Variants in TRAF3IP2 observed in about 807,000 individuals in gnomAD.
TRAF3IP2 encodes E3 ubiquitin ligase TRAF3IP2.
TRAF3IP2 carries 35 observed loss-of-function variants against 57.9 expected under a neutral mutation model. The observed-to-expected ratio is 0.60, with a 90% CI of 0.46 to 0.80. The LOEUF (loss-of-function observed/expected upper bound fraction) is 0.80. TRAF3IP2 is among the 30% of genes least tolerant of loss of function. The probability of loss-of-function intolerance (pLI) is 0.00; values close to 1 mark genes in which losing one functional copy is unlikely to be tolerated. For missense variants in TRAF3IP2, 556 were observed against 706.4 expected (o/e 0.79, Z 2.41); for synonymous variants, 251 against 268.9 (o/e 0.93, Z 0.65).
chr6:111,566,282 T>C (rs1002898788), intron 7 of TRAF3IP2, among the ~76,000 whole-genome samples, 162 bp downstream of exon 7: 2 of 152,124 alleles, frequency 1.3e-5, no homozygotes, highest in African/African-American at 4.8e-5. Context: ...CTAAGGTAGA[T>C]GGAGCCAGAA....
rs1012672651 is a variant in TRAF3IP2, at chr6:111,580,681, G to A, written c.830-292C>T. On this transcript the variant is annotated intron_variant, in intron 2 of 8. Coordinates refer to ENST00000368761, the MANE Select transcript of TRAF3IP2 (RefSeq NM_147686.4). ...AAACTCTACACAGGCTCCTCTTTTCGTAAGATACTTAGGAAAATCCAACCA... is the reference window on the plus strand; with the variant it reads ...AAACTCTACACAGGCTCCTCTTTTCATAAGATACTTAGGAAAATCCAACCA... Among the ~76,000 whole-genome samples the A allele has an allele frequency of 1.2e-4, 19 of 152,210 alleles. No individual in the cohort carries two copies. In the East Asian group the frequency reaches 2.9e-3, roughly 23 times the overall value.
At chr6:111,590,588 C>A (rs1449519710) in intron 2 of TRAF3IP2, among the ~76,000 whole-genome samples, 5 of 151,826 alleles carry the variant, frequency 3.3e-5, no homozygotes, top group Non-Finnish European at 5.9e-5. Flanking sequence ...GTCAAACACA[C>A]CAGAAGGGGA....
chr6:111,559,493 T>G lies in TRAF3IP2; in HGVS notation c.1610A>C (p.Lys537Thr), dbSNP rs1331233055. ...TCTCAGCAGCCGCAGCAGGATGTTTTTTTTATTCTTGGGCCAGCTGTAGAC... is the reference window on the plus strand; with the variant it reads ...TCTCAGCAGCCGCAGCAGGATGTTTGTTTTATTCTTGGGCCAGCTGTAGAC... The part of the protein sequence containing the change: ...THVYSWPKNK[K>T]NILLRLLREE... The change falls in exon 9 of 9, where the codon AAA (lysine) becomes ACA (threonine). Residue 537 changes from lysine to threonine, a missense_variant. Physicochemically the swap from Lys to Thr is moderately conservative, Grantham distance 78. This residue lies in a region of TRAF3IP2 where 128 missense variants were observed against 207.7 expected (regional missense o/e 0.62). Transcript: ENST00000368761. The G allele has an allele frequency of 1.9e-6, 3 of 1,614,184 alleles. No homozygotes were observed. The highest frequency in any genetic ancestry group is 2.5e-6 in the Non-Finnish European group (3 of 1,180,030).
chr6:111,564,324 T>G (rs6568687), intron 7 of TRAF3IP2, among the ~76,000 whole-genome samples: 169 of 152,188 alleles, frequency 1.1e-3, no homozygotes, highest in African/African-American at 2.3e-3. Flanking sequence ...CAGCACCGAG[T>G]ACACATGAAA....
chr6:111,568,336 T>C (rs1795715999), intron 5 of TRAF3IP2, among the ~76,000 whole-genome samples: 1 of 152,218 alleles, frequency 6.6e-6, no homozygotes, highest in African/African-American at 2.4e-5. Flanking sequence ...ATTCAAGTTT[T>C]TGAAGGGATA....
chr6:111,566,970 C>T (rs1482825751), intron 6 of TRAF3IP2: 3 of 288,764 alleles, frequency 1.0e-5, no homozygotes, highest in Non-Finnish European at 2.0e-5. Flanking sequence ...TCTGCGTGTA[C>T]ACATTAGCAC....
In TRAF3IP2 at chr6:111,580,858, G is replaced by A. The variant is rs542567961; in HGVS notation, c.830-469C>T. Among the ~76,000 whole-genome samples the A allele has an allele frequency of 2.0e-4, 31 of 152,232 alleles. 1 individual carries two copies. In the South Asian group the frequency reaches 2.3e-3, roughly 11 times the overall value. On this transcript the variant is annotated intron_variant, in intron 2 of 8. Coordinates refer to ENST00000368761, the MANE Select transcript of TRAF3IP2 (RefSeq NM_147686.4). ...CATACACGTGCATGTGCACACACAC[G>A]TGCGCGCACACACACACCCCACTCT...
intron 2 of TRAF3IP2, among the ~76,000 whole-genome samples, chr6:111,580,635 G>A (rs13196377): frequency 0.063 from 9,553 of 152,084 alleles, 328 homozygotes; most frequent in African/African-American, 0.076. Context: ...TCCAGCTGGA[G>A]AGCTCAAAAA....
intron 1 of TRAF3IP2, among the ~76,000 whole-genome samples, chr6:111,604,703 G>A (rs893828351): frequency 6.6e-6 from 1 of 152,198 alleles, no homozygotes; most frequent in Non-Finnish European, 1.5e-5. Context: ...TGACATGGAA[G>A]GGGGGTGAGC....
intron 2 of TRAF3IP2, among the ~76,000 whole-genome samples, chr6:111,583,293 T>C (rs1348625435): frequency 6.6e-6 from 1 of 152,222 alleles, no homozygotes; most frequent in African/African-American, 2.4e-5. Flanking sequence ...CTATTAATAC[T>C]TTCTAGGGCA....
intron 2 of TRAF3IP2, among the ~76,000 whole-genome samples, chr6:111,582,909 C>A (rs78066991): frequency 0.016 from 2,400 of 152,232 alleles, 70 homozygotes; most frequent in African/African-American, 0.056. Context: ...GAGTTTGCCA[C>A]CCTCTTTGTC....
At chr6:111,597,336 C>T (rs1796722848) in intron 1 of TRAF3IP2, among the ~76,000 whole-genome samples, 1 of 152,154 alleles carries the variant, frequency 6.6e-6, no homozygotes, top group South Asian at 2.1e-4. Context: ...CTCTTAGATT[C>T]CAGGCAGGGA....
chr6:111,564,335 G>C (rs2128370253), intron 7 of TRAF3IP2, among the ~76,000 whole-genome samples: 1 of 152,298 alleles, frequency 6.6e-6, no homozygotes, highest in African/African-American at 2.4e-5. Flanking sequence ...ACACATGAAA[G>C]GAAGGGGATG....
intron 7 of TRAF3IP2, among the ~76,000 whole-genome samples, chr6:111,563,568 A>G (rs1795525334): frequency 6.6e-6 from 1 of 152,204 alleles, no homozygotes; most frequent in Non-Finnish European, 1.5e-5. Flanking sequence ...TTGCTCTAGA[A>G]GCCCAGAATG....
At chr6:111,578,575 G>A (rs769041837) in intron 3 of TRAF3IP2, among the ~76,000 whole-genome samples, 15 of 152,294 alleles carry the variant, frequency 9.8e-5, no homozygotes, top group South Asian at 2.1e-4. Flanking sequence ...TGCAGGAGGC[G>A]AAGGTTTCAG....
At chr6:111,565,978 T>C (rs938237038) in intron 7 of TRAF3IP2, among the ~76,000 whole-genome samples, 8 of 152,166 alleles carry the variant, frequency 5.3e-5, no homozygotes, top group Non-Finnish European at 4.4e-5. Context: ...ACACAGCCTG[T>C]ACATGAGGAA....
At chr6:111,598,617 C>T (rs1284765448) in intron 1 of TRAF3IP2, among the ~76,000 whole-genome samples, 1 of 152,082 alleles carries the variant, frequency 6.6e-6, no homozygotes, top group Non-Finnish European at 1.5e-5. Flanking sequence ...GATATAAGGT[C>T]GTATATCTGC....
At chr6:111,586,878 C>A (rs1583235633) in intron 2 of TRAF3IP2, 1 of 152,300 alleles carries the variant, frequency 6.6e-6, no homozygotes, top group Admixed American at 6.5e-5. Flanking sequence ...AACTGGGCTA[C>A]AGGATGCTTT....
At chr6:111,605,008 G>A (rs1796975407) in intron 1 of TRAF3IP2, among the ~76,000 whole-genome samples, 1 of 151,914 alleles carries the variant, frequency 6.6e-6, no homozygotes, top group Non-Finnish European at 1.5e-5. Flanking sequence ...CCTAAGTCAT[G>A]GAACCACAAG....
Sources: gnomAD v4.1 joint callset for allele counts (sites outside exome capture counted in the v4.1 genomes callset) on GRCh38, gnomAD v4.1.1 for gene constraint, gnomAD v4.1.1 regional missense constraint, MANE v1.5 for transcripts, NCBI Gene and HGNC (gene_info 2026-07-23, HGNC 2026-07-21) for gene names.